RALA: variants seen among roughly 807,000 people sequenced by gnomAD.
RALA encodes ras-related protein Ral-A.
In RALA, 5 loss-of-function variants were observed where a neutral mutation model predicts 24.0. That is an observed-to-expected ratio of 0.21 (90% CI 0.11 to 0.44). RALA has a LOEUF of 0.44. RALA is among the 20% of genes least tolerant of loss of function. RALA has a pLI of 0.99. For synonymous variants in RALA, 77 were observed against 83.8 expected (o/e 0.92, Z 0.44); for missense variants, 95 against 241.2 (o/e 0.39, Z 4.01).
intron 1 of RALA, among the ~76,000 whole-genome samples, chr7:39,633,177 G>C (rs1490753651): frequency 2.0e-5 from 3 of 152,170 alleles, no homozygotes; most frequent in Non-Finnish European, 4.4e-5. Flanking sequence ...TTGATATGTT[G>C]CTGCCTTGAC....
chr7:39,658,828 C>T (rs1792137428), intron 1 of RALA, among the ~76,000 whole-genome samples: 1 of 151,662 alleles, frequency 6.6e-6, no homozygotes, highest in African/African-American at 2.4e-5. Context: ...AGCAATCCTC[C>T]CACCCTAGCC....
intron 1 of RALA, among the ~76,000 whole-genome samples, chr7:39,651,063 A>G (rs1455397458): frequency 6.6e-6 from 1 of 152,262 alleles, no homozygotes; most frequent in Non-Finnish European, 1.5e-5. Flanking sequence ...TCCCCGACTT[A>G]GGATTTTTCA....
chr7:39,669,333 A>G (rs1301931256), intron 1 of RALA, among the ~76,000 whole-genome samples: 1 of 152,082 alleles, frequency 6.6e-6, no homozygotes, highest in Non-Finnish European at 1.5e-5. Flanking sequence ...TGACTCAATA[A>G]ATACATGTTG....
intron 1 of RALA, among the ~76,000 whole-genome samples, chr7:39,656,426 A>G (rs1406698638): frequency 6.6e-6 from 1 of 152,202 alleles, no homozygotes; most frequent in Non-Finnish European, 1.5e-5. Context: ...ATTTGGGATT[A>G]GTTATGACTC....
chr7:39,668,246 C>CTAAA (rs1190034013), intron 1 of RALA, among the ~76,000 whole-genome samples: 1 of 152,288 alleles, frequency 6.6e-6, no homozygotes. Flanking sequence ...AGTTACTGTG[C>CTAAA]TAAAGTACAG....
intron 1 of RALA, among the ~76,000 whole-genome samples, chr7:39,682,522 G>C (rs541680474): frequency 6.6e-6 from 1 of 152,146 alleles, no homozygotes; most frequent in South Asian, 2.1e-4. Context: ...AAACACTTCC[G>C]GGGCCTTCAA....
At chr7:39,684,557 T>A (rs1792663646) in intron 1 of RALA, among the ~76,000 whole-genome samples, 1 of 152,074 alleles carries the variant, frequency 6.6e-6, no homozygotes, top group Non-Finnish European at 1.5e-5. Flanking sequence ...CAGATTGTCC[T>A]GGCCCATTTG....
At chr7:39,672,944 G>A (rs547488056) in intron 1 of RALA, among the ~76,000 whole-genome samples, 2 of 152,286 alleles carry the variant, frequency 1.3e-5, no homozygotes, top group Admixed American at 6.5e-5. Context: ...ACTTAAAAGG[G>A]TGAATTTTAT....
intron 4 of RALA, among the ~76,000 whole-genome samples, chr7:39,699,429 C>T (rs1258815498): frequency 6.6e-6 from 1 of 152,138 alleles, no homozygotes; most frequent in East Asian, 1.9e-4. Flanking sequence ...CGTGAGCCAC[C>T]ACGCCCGGCC....
intron 1 of RALA, among the ~76,000 whole-genome samples, chr7:39,655,537 CAT>C (rs1358094424): frequency 7.2e-5 from 11 of 152,244 alleles, no homozygotes; most frequent in African/African-American, 2.4e-4. Flanking sequence ...TATAGAATAA[CAT>C]AGTGGCTAGA....
intron 1 of RALA, among the ~76,000 whole-genome samples, chr7:39,682,252 G>C (rs1323898905): frequency 6.6e-6 from 1 of 152,180 alleles, no homozygotes; most frequent in Non-Finnish European, 1.5e-5. Flanking sequence ...AGTAAATGTT[G>C]GTTGTCCTCA....
chr7:39,635,228 G>A (rs938811678), intron 1 of RALA, among the ~76,000 whole-genome samples: 3 of 152,018 alleles, frequency 2.0e-5, no homozygotes, highest in Non-Finnish European at 4.4e-5. Flanking sequence ...AAAATCAGCC[G>A]AGCATGGTGG....
chr7:39,690,012 T>C (rs1792787807), intron 2 of RALA, among the ~76,000 whole-genome samples: 1 of 152,220 alleles, frequency 6.6e-6, no homozygotes, highest in South Asian at 2.1e-4. Context: ...AATATTGACC[T>C]TTAAGTTATT....
chr7:39,666,674 A>G (rs973930355), intron 1 of RALA, among the ~76,000 whole-genome samples: 11 of 152,120 alleles, frequency 7.2e-5, no homozygotes, highest in African/African-American at 9.7e-5. Flanking sequence ...ACTACTTTAT[A>G]TTTTCTTTCT....
At chr7:39,632,006 T>A (rs1238297531) in intron 1 of RALA, among the ~76,000 whole-genome samples, 1 of 151,718 alleles carries the variant, frequency 6.6e-6, no homozygotes. Context: ...AAAAGAAGAG[T>A]GAGAGAGAGG....
In RALA at chr7:39,655,041, G is replaced by A. The variant is rs751418385; in HGVS notation, c.-38+31216G>A. Among the ~76,000 whole-genome samples the A allele has an allele frequency of 4.6e-5, 7 of 152,120 alleles. No individual in the cohort carries two copies. The East Asian group carries it at 7.7e-4, about 17-fold the overall frequency. On this transcript the variant is annotated intron_variant, in intron 1 of 4. Transcript: ENST00000005257. ...TGGGATTATAGTCATGAGCCACCAC[G>A]CCCAGCCTCTAAATTCTTTTTTTGC...
At chr7:39,665,391 TAATC>T (rs1222083942) in intron 1 of RALA, among the ~76,000 whole-genome samples, 1 of 152,246 alleles carries the variant, frequency 6.6e-6, no homozygotes, top group African/African-American at 2.4e-5. Context: ...ACATATGTGT[TAATC>T]AACTATTATG....
At chr7:39,624,414 T>A (rs886927377) in intron 1 of RALA, 3 of 152,172 alleles carry the variant, frequency 2.0e-5, no homozygotes, top group Admixed American at 2.0e-4. Flanking sequence ...TGCACAGCTT[T>A]AGCCCATTTT....
intron 1 of RALA, among the ~76,000 whole-genome samples, chr7:39,683,544 T>G (rs563766499): frequency 3.1e-4 from 47 of 152,334 alleles, no homozygotes; most frequent in African/African-American, 1.1e-3. Flanking sequence ...GGGCTATGGC[T>G]TGTTTATCAT....
Sources: allele counts gnomAD v4.1 joint callset (sites outside exome capture counted in the v4.1 genomes callset), GRCh38; gene constraint gnomAD v4.1.1; transcripts MANE v1.5; gene names NCBI Gene and HGNC (gene_info 2026-07-23, HGNC 2026-07-21).